Variants in NRXN1 observed in about 807,000 individuals in gnomAD.
NRXN1 encodes neurexin 1.
A neutral mutation model predicts 150.9 loss-of-function variants in NRXN1; 39 were observed. The ratio of observed to expected loss-of-function variants is 0.26; its 90% CI spans 0.20 to 0.34. NRXN1 has a LOEUF of 0.34. Ranked by LOEUF, NRXN1 falls within the 10% of genes least tolerant of loss-of-function variation. The pLI, the probability that NRXN1 is intolerant of heterozygous loss-of-function variation, is 1.00. For missense variants in NRXN1, 1,815 were observed against 1,949.9 expected (o/e 0.93, Z 1.30); for synonymous variants, 924 against 757.0 (o/e 1.22, Z -3.62).
At chr2:50,228,909 T>C (rs941522395) in intron 18 of NRXN1, among the ~76,000 whole-genome samples, 1 of 151,988 alleles carries the variant, frequency 6.6e-6, no homozygotes, top group Non-Finnish European at 1.5e-5. Context: ...CCAGTTTGTT[T>C]TGAGGAGGAG....
At chr2:50,850,832 T>C (rs1674414132) in intron 5 of NRXN1, among the ~76,000 whole-genome samples, 1 of 152,068 alleles carries the variant, frequency 6.6e-6, no homozygotes, top group African/African-American at 2.4e-5. Flanking sequence ...AAACAACAGA[T>C]TTTTGTTTTC....
At chr2:50,500,421 T>C (rs2091886616) in intron 13 of NRXN1, among the ~76,000 whole-genome samples, 1 of 152,218 alleles carries the variant, frequency 6.6e-6, no homozygotes, top group South Asian at 2.1e-4. Flanking sequence ...AAAGCCATTA[T>C]TTGATGACTA....
intron 5 of NRXN1, among the ~76,000 whole-genome samples, chr2:50,859,462 A>G (rs559037912): frequency 3.3e-5 from 5 of 152,240 alleles, no homozygotes; most frequent in East Asian, 3.9e-4. Context: ...CTGCAAACAT[A>G]TAAGACAAAA....
chr2:50,417,833 G>A (rs559418914), intron 17 of NRXN1, among the ~76,000 whole-genome samples: 19 of 151,902 alleles, frequency 1.3e-4, no homozygotes, highest in South Asian at 2.1e-4. Flanking sequence ...CCAAGAAACC[G>A]AAAAGTGCAG....
intron 17 of NRXN1, among the ~76,000 whole-genome samples, chr2:50,421,951 C>A (rs1275507939): frequency 6.6e-6 from 1 of 152,080 alleles, no homozygotes; most frequent in Non-Finnish European, 1.5e-5. Context: ...TGGATATATT[C>A]TCTGTACTTC....
intron 18 of NRXN1, among the ~76,000 whole-genome samples, chr2:50,169,586 A>C (rs547104750): frequency 1.3e-5 from 2 of 151,664 alleles, no homozygotes; most frequent in South Asian, 4.2e-4. Context: ...GGTAGTGGGC[A>C]CCTGTAATCC....
intron 21 of NRXN1, among the ~76,000 whole-genome samples, chr2:49,985,444 C>G (rs1444465868): frequency 6.6e-6 from 1 of 152,084 alleles, no homozygotes; most frequent in Non-Finnish European, 1.5e-5. Flanking sequence ...TCATGTGAAG[C>G]CTGGAAAAGA....
Position 50,710,221 on chromosome 2 carries a change from A to C in NRXN1, c.833-86606T>G, listed in dbSNP as rs986452875. 7.2e-5 allele frequency among the ~76,000 whole-genome samples: 11 copies of C among 152,328 alleles called. No individual in the cohort carries two copies. In the East Asian group the frequency reaches 2.1e-3, roughly 29 times the overall value. ...ACCACACGCCAGGAAAGAACCTCTT[A>C]AACAGATAATAAGTATTCCTGATAA... On this transcript the variant is annotated intron_variant, in intron 5 of 22. Coordinates refer to ENST00000401669, the MANE Select transcript of NRXN1 (RefSeq NM_001330078.2).
chr2:49,937,101 G>A (rs993659101), intron 22 of NRXN1, among the ~76,000 whole-genome samples: 2 of 152,142 alleles, frequency 1.3e-5, no homozygotes, highest in African/African-American at 4.8e-5. Context: ...AGAAGATAGC[G>A]CCCCTATCTC....
intron 5 of NRXN1, among the ~76,000 whole-genome samples, chr2:50,742,831 G>A (rs999978455): frequency 2.6e-5 from 4 of 151,940 alleles, no homozygotes; most frequent in Non-Finnish European, 5.9e-5. Flanking sequence ...AATAACTTCA[G>A]GAAATATTCT....
intron 17 of NRXN1, among the ~76,000 whole-genome samples, chr2:50,349,404 T>G (rs1031557166): frequency 2.6e-5 from 4 of 152,206 alleles, no homozygotes; most frequent in African/African-American, 9.6e-5. Flanking sequence ...GTCGTGATTA[T>G]TCGTTTTAAA....
At chr2:50,064,795 G>A (rs60693233) in intron 19 of NRXN1, among the ~76,000 whole-genome samples, 2,243 of 152,112 alleles carry the variant, frequency 0.015, 50 homozygotes, top group African/African-American at 0.051. Context: ...TTTAACCAAG[G>A]CAAAAATGAT....
At chr2:50,111,768 C>T (rs567176553) in intron 18 of NRXN1, among the ~76,000 whole-genome samples, 1 of 152,332 alleles carries the variant, frequency 6.6e-6, no homozygotes, top group South Asian at 2.1e-4. Flanking sequence ...ATTTTCCCCA[C>T]AGTCAGCCCA....
intron 19 of NRXN1, among the ~76,000 whole-genome samples, chr2:50,090,005 C>T (rs530685974): frequency 1.4e-4 from 22 of 152,132 alleles, no homozygotes; most frequent in Non-Finnish European, 1.2e-4. Flanking sequence ...GACATCGATT[C>T]AGCAAATATT....
At chr2:50,482,373 A>C (rs1013859737) in intron 15 of NRXN1, among the ~76,000 whole-genome samples, 5 of 152,114 alleles carry the variant, frequency 3.3e-5, no homozygotes, top group Non-Finnish European at 7.3e-5. Context: ...AAATTTTTAA[A>C]TTTACCTTTA....
intron 5 of NRXN1, among the ~76,000 whole-genome samples, chr2:50,867,136 T>C (rs138056694): frequency 1.3e-5 from 2 of 152,040 alleles, no homozygotes; most frequent in African/African-American, 4.8e-5. Context: ...AGCTTTTTAC[T>C]TTTGTTTTTT....
At chr2:50,672,769 A>G (rs1689043892) in intron 5 of NRXN1, among the ~76,000 whole-genome samples, 1 of 152,070 alleles carries the variant, frequency 6.6e-6, no homozygotes, top group African/African-American at 2.4e-5. Context: ...TTTGAAATTT[A>G]TTAAATATAT....
chr2:50,556,579 T>C (rs987539835), intron 8 of NRXN1, among the ~76,000 whole-genome samples: 9 of 151,984 alleles, frequency 5.9e-5, no homozygotes, highest in Non-Finnish European at 1.2e-4. Flanking sequence ...CTTTCCCATT[T>C]CTTCAAATAT....
In NRXN1 at chr2:50,885,294, T is replaced by G. The variant is rs796815852; in HGVS notation, c.832+36575A>C. On this transcript the variant is annotated intron_variant, in intron 5 of 22. Transcript: ENST00000401669. ...CATTCTTTATCAGTCAAGAAAGCTA[T>G]ATCTTAGAAACATGTTTAAAATTAA... Among the ~76,000 whole-genome samples the G allele has an allele frequency of 1.8e-4, 28 of 151,430 alleles. 1 individual carries two copies. Among genetic ancestry groups the G allele is most frequent in the African/African-American group, 6.8e-4 (28 of 41,448 alleles).
Sources: gnomAD v4.1 joint callset for allele counts (sites outside exome capture counted in the v4.1 genomes callset) on GRCh38, gnomAD v4.1.1 for gene constraint, MANE v1.5 for transcripts, NCBI Gene and HGNC (gene_info 2026-07-23, HGNC 2026-07-21) for gene names.